Variants in PCDHGC4 observed in about 807,000 individuals in gnomAD.
PCDHGC4 encodes protocadherin gamma-C4.
In PCDHGC4, 15 loss-of-function variants were observed where a neutral mutation model predicts 59.7. That is an observed-to-expected ratio of 0.25 (90% CI 0.17 to 0.39). The LOEUF (loss-of-function observed/expected upper bound fraction) is 0.39. Among genes scored for constraint, PCDHGC4 ranks in the 10% least tolerant of loss-of-function variants. The probability of loss-of-function intolerance (pLI) is 1.00; values close to 1 mark genes in which losing one functional copy is unlikely to be tolerated. For synonymous variants in PCDHGC4, 434 were observed against 481.4 expected, an observed-to-expected ratio of 0.90 and a Z score of 1.29; for missense variants, 1,016 against 1,189.5, an observed-to-expected ratio of 0.85 and a Z score of 2.15.
In PCDHGC4 at chr5:141,486,661, G is replaced by T. The variant is rs373446844; in HGVS notation, c.1488G>T (p.Glu496Asp). ...CGCTTATCTCCTACTCACTCCTGGA[G>T]CCCAGGAATCGAGATGTATCAGCTT... is the stretch of plus-strand genomic sequence containing the variant. Reference protein sequence around the residue: ...LNALISYSLLEPRNRDVSASS... With the variant: ...LNALISYSLLDPRNRDVSASS... The change falls in exon 1 of 4, where the codon GAG becomes GAT. Residue 496 changes from glutamate (E) to aspartate (D), a missense_variant. By Grantham distance (45) the Glu-to-Asp change is conservative. Transcript: ENST00000306593. The surrounding 1 kb of genome is among the most constrained non-coding windows in gnomAD (Gnocchi z 5.0). 6.2e-6 allele frequency: 10 copies of T among 1,613,836 alleles called. No individual in the cohort carries two copies. Among genetic ancestry groups the T allele is most frequent in the African/African-American group, 4.0e-5 (3 of 74,918 alleles).
Position 141,485,089 on chromosome 5 carries a change from G to A in PCDHGC4, c.-85G>A. The stretch of plus-strand genomic sequence containing the variant: ...GAGCTGGCGCGGGGAAAGGGAGATA[G>A]GTGTCTCCAGCTGCTGTGGCTGTTT... On this transcript the variant is annotated 5_prime_UTR_variant, in exon 1 of 4. Coordinates refer to ENST00000306593, the MANE Select transcript of PCDHGC4 (RefSeq NM_018928.3). This position sits in a 1 kb window ranked among gnomAD's most constrained non-coding sequence, Gnocchi z 5.7. 1 of 1,027,236 alleles carries A rather than the reference G, an allele frequency of 9.7e-7. No homozygotes were observed. The highest frequency in any genetic ancestry group is 1.5e-6 in the Non-Finnish European group (1 of 674,564). 63.6% of individuals were successfully genotyped at this position (1,027,236 alleles called of 1,614,324 possible). A position where few individuals can be genotyped will look rare whatever the true frequency, so the allele number is the denominator to read the frequency against.
Position 141,485,181 on chromosome 5 carries a change from G to C in PCDHGC4, c.8G>C (p.Arg3Pro). 1 of 1,612,942 alleles carries C rather than the reference G, an allele frequency of 6.2e-7. No individual in the cohort carries two copies. Among genetic ancestry groups the C allele is most frequent in the East Asian group, 2.2e-5 (1 of 44,868 alleles). Residue 3 changes from arginine to proline, a missense_variant, in exon 1 of 4, where the codon CGC becomes CCC. Arg to Pro is a moderately radical substitution (Grantham distance 103, BLOSUM62 -2). Transcript: ENST00000306593. This position sits in a 1 kb window ranked among gnomAD's most constrained non-coding sequence, Gnocchi z 5.7. MLRKVRSWTEIWR... is the reference protein window; with the variant it reads MLPKVRSWTEIWR... ...AATTAGCGGGCGGCAGCAATGCTCC[G>C]CAAGGTGAGAAGCTGGACAGAAATC...
chr5:141,493,962 T>C lies in PCDHGC4; in HGVS notation c.2443-845T>C, dbSNP rs550317675. 6.6e-6 allele frequency among the ~76,000 whole-genome samples: 1 copy of C among 152,320 alleles called. No homozygotes were observed. Among genetic ancestry groups the C allele is most frequent in the African/African-American group, 2.4e-5 (1 of 41,578 alleles). ...AGAAGGGACTCAGGAATGAAGTGGC[T>C]GGCCAGAGCCCCACACCTTCAGCTA... is the stretch of plus-strand genomic sequence containing the variant. On this transcript the variant is annotated intron_variant, in intron 1 of 3. Coordinates refer to ENST00000306593, the MANE Select transcript of PCDHGC4 (RefSeq NM_018928.3). This position sits in a 1 kb window ranked among gnomAD's most constrained non-coding sequence, Gnocchi z 4.3.
intron 2 of PCDHGC4, among the ~76,000 whole-genome samples, chr5:141,499,099 C>T (rs1031964059): frequency 1.3e-5 from 2 of 152,156 alleles, no homozygotes; most frequent in Non-Finnish European, 2.9e-5. Context: ...ACATGCTTCT[C>T]CTCCCCACCA....
In PCDHGC4 at chr5:141,490,639, C is replaced by T. The variant is rs1345892739; in HGVS notation, c.2442+3024C>T. 25 of 1,614,200 alleles carry T rather than the reference C, an allele frequency of 1.5e-5. No homozygotes were observed. Among genetic ancestry groups the T allele is most frequent in the East Asian group, 2.2e-5 (1 of 44,878 alleles). ...TTACACTGCTTACATCCTAGAAAAC[C>T]GGCCTCCGGGCTCCCTTCTTTGCAC... On this transcript the variant is annotated intron_variant, in intron 1 of 3. Transcript: ENST00000306593. This position sits in a 1 kb window ranked among gnomAD's most constrained non-coding sequence, Gnocchi z 5.4.
rs2099670287 is a variant in PCDHGC4, at chr5:141,487,983, TC to T, written c.2442+370del. Among the ~76,000 whole-genome samples, 3 of 152,290 alleles carry T rather than the reference TC, an allele frequency of 2.0e-5. No individual in the cohort carries two copies. The South Asian group carries it at 6.2e-4, about 32-fold the overall frequency. ...CAAAGGTGGCTGTTTTCTCTACTCT[TC>T]CTGAAAGAGGGGATCAGATTCTGAA... On this transcript the variant is annotated intron_variant, in intron 1 of 3. Coordinates refer to ENST00000306593, the MANE Select transcript of PCDHGC4 (RefSeq NM_018928.3). This position sits in a 1 kb window ranked among gnomAD's most constrained non-coding sequence, Gnocchi z 5.0.
chr5:141,500,571 C>T (rs1171231755), intron 2 of PCDHGC4, among the ~76,000 whole-genome samples: 1 of 152,196 alleles, frequency 6.6e-6, no homozygotes, highest in African/African-American at 2.4e-5. Context: ...GTCACACTTT[C>T]ATGTGACACT....
At chr5:141,500,360 T>C (rs1224064939) in intron 2 of PCDHGC4, among the ~76,000 whole-genome samples, 1 of 151,664 alleles carries the variant, frequency 6.6e-6, no homozygotes, top group Non-Finnish European at 1.5e-5. Context: ...AGGCGCCCAC[T>C]ACCACGCCCG....
At position 141,486,804 on chromosome 5, in the gene PCDHGC4, C is replaced by G. The variant is rs755001457; in HGVS notation, c.1631C>G (p.Pro544Arg). The change falls in exon 1 of 4, where the codon CCC becomes CGC. Residue 544 changes from proline (P) to arginine (R), a missense_variant. Physicochemically the swap from Pro to Arg is moderately radical, Grantham distance 103. Transcript: ENST00000306593. This position sits in a 1 kb window ranked among gnomAD's most constrained non-coding sequence, Gnocchi z 5.0. ...CAGGCCCGGGATCGGGGCAACCCAC[C>G]CCTTAGCAGCACTGTAACAGTTCGT... ...EVQARDRGNP[P>R]LSSTVTVRLF... 2 of 1,614,232 alleles carry G rather than the reference C, an allele frequency of 1.2e-6. No homozygotes were observed. The highest frequency in any genetic ancestry group is 3.3e-5 in the Admixed American group (2 of 60,032).
chr5:141,494,843 G>T lies in PCDHGC4; in HGVS notation c.2479G>T (p.Ala827Ser). The T allele has an allele frequency of 6.2e-7, 1 of 1,614,088 alleles. No individual in the cohort carries two copies. The highest frequency in any genetic ancestry group is 8.5e-7 in the Non-Finnish European group (1 of 1,180,006). ...PPNTDWRFSQ[A>S]QRPGTSGSQN... Reference sequence around the variant, plus strand: ...CAACACGGACTGGCGTTTCTCTCAGGCCCAGAGACCCGGCACCAGCGGGTA... The same window carrying T: ...CAACACGGACTGGCGTTTCTCTCAGTCCCAGAGACCCGGCACCAGCGGGTA... Residue 827 changes from alanine (A) to serine (S), a missense_variant, in exon 2 of 4, where the codon GCC becomes TCC. Transcript: ENST00000306593.
rs200843744 is a variant in PCDHGC4, at chr5:141,491,417, G to C, written c.2443-3390G>C. 18 of 1,613,988 alleles carry C rather than the reference G, an allele frequency of 1.1e-5. No individual in the cohort carries two copies. Among genetic ancestry groups the C allele is most frequent in the Admixed American group, 5.0e-5 (3 of 60,006 alleles). ...CAGGGAAACGCAGACGGGGACGGGGGTGGAGGGCAGTGCTGCAGGCGCCAG... is the reference window on the plus strand; with the variant it reads ...CAGGGAAACGCAGACGGGGACGGGGCTGGAGGGCAGTGCTGCAGGCGCCAG... On this transcript the variant is annotated intron_variant, in intron 1 of 3. Transcript: ENST00000306593. This position sits in a 1 kb window ranked among gnomAD's most constrained non-coding sequence, Gnocchi z 6.9.
chr5:141,494,439 C>T (rs1009257996), intron 1 of PCDHGC4, among the ~76,000 whole-genome samples: 1 of 152,126 alleles, frequency 6.6e-6, no homozygotes, highest in Non-Finnish European at 1.5e-5. Flanking sequence ...CCTCCTTTGC[C>T]ACTTTAGGGG....
At chr5:141,494,776 C>T in intron 1 of PCDHGC4, 31 bp from the exon 2 acceptor site, 1 of 1,614,100 alleles carries the variant, frequency 6.2e-7, no homozygotes, top group East Asian at 2.2e-5. Context: ...CTCACGGGTA[C>T]TCAGCCCCTT....
chr5:141,500,574 G>A (rs2099801457), intron 2 of PCDHGC4, among the ~76,000 whole-genome samples: 1 of 152,164 alleles, frequency 6.6e-6, no homozygotes, highest in African/African-American at 2.4e-5. Context: ...ACACTTTCAT[G>A]TGACACTTTA....
At chr5:141,500,930 G>A (rs1300719832) in intron 2 of PCDHGC4, among the ~76,000 whole-genome samples, 4 of 151,824 alleles carry the variant, frequency 2.6e-5, no homozygotes, top group Admixed American at 6.6e-5. Context: ...GTGCAGTGGC[G>A]CCATCTCGGC....
Position 141,486,824 on chromosome 5 carries a change from G to A in PCDHGC4, c.1651G>A (p.Val551Ile), listed in dbSNP as rs749609525. Residue 551 changes from valine (V) to isoleucine (I), a missense_variant, in exon 1 of 4, where the codon GTT becomes ATT. Val to Ile is a conservative substitution (Grantham distance 29). Coordinates refer to ENST00000306593, the MANE Select transcript of PCDHGC4 (RefSeq NM_018928.3). The surrounding 1 kb of genome is among the most constrained non-coding windows in gnomAD (Gnocchi z 5.0). ...GNPPLSSTVT[V>I]RLFVLDLNDN... is the part of the protein sequence containing the mutation. ...CCCACCCCTTAGCAGCACTGTAACA[G>A]TTCGTCTATTTGTGCTGGACCTCAA... is the stretch of plus-strand genomic sequence containing the variant. 1 of 1,614,218 alleles carries A rather than the reference G, an allele frequency of 6.2e-7. No homozygotes were observed. Among genetic ancestry groups the A allele is most frequent in the Non-Finnish European group, 8.5e-7 (1 of 1,180,028 alleles).
rs1308930168 is a variant in PCDHGC4, at chr5:141,489,620, A to G, written c.2442+2005A>G. 2.5e-6 allele frequency: 4 copies of G among 1,614,058 alleles called. No individual in the cohort carries two copies. Among genetic ancestry groups the G allele is most frequent in the South Asian group, 2.2e-5 (2 of 91,072 alleles). The stretch of plus-strand genomic sequence containing the variant: ...GTAGAGGTAGAGATCCTGGATCTCA[A>G]TGACAACTCTCCTAGCTTTGCCACC... On this transcript the variant is annotated intron_variant, in intron 1 of 3. Transcript: ENST00000306593. This position sits in a 1 kb window ranked among gnomAD's most constrained non-coding sequence, Gnocchi z 4.5.
intron 3 of PCDHGC4, among the ~76,000 whole-genome samples, chr5:141,506,429 A>G (rs1406730781): frequency 7.0e-6 from 1 of 143,144 alleles, no homozygotes; most frequent in Non-Finnish European, 1.5e-5. Flanking sequence ...CCTGGGCAAC[A>G]GTCTCGCTCT....
chr5:141,499,089 A>G (rs1417307590), intron 2 of PCDHGC4, among the ~76,000 whole-genome samples: 2 of 152,116 alleles, frequency 1.3e-5, no homozygotes, highest in Non-Finnish European at 1.5e-5. Context: ...CCTGCTTGGC[A>G]CATGCTTCTC....
Sources: gnomAD v4.1 joint callset for allele counts (sites outside exome capture counted in the v4.1 genomes callset) on GRCh38, gnomAD v4.1.1 for gene constraint, Gnocchi (gnomAD v3.1) non-coding constraint, MANE v1.5 for transcripts, NCBI Gene and HGNC (gene_info 2026-07-23, HGNC 2026-07-21) for gene names.